TRDN: variants seen among roughly 807,000 people sequenced by gnomAD.
TRDN encodes the protein triadin in skeletal muscle.
TRDN carries 161 observed loss-of-function variants against 149.7 expected under a neutral mutation model. The observed-to-expected ratio is 1.08, with a 90% CI of 0.95 to 1.23. The LOEUF is 1.23. Among genes scored for constraint, TRDN ranks in the 50% most tolerant of loss-of-function variants. The pLI, the probability that TRDN is intolerant of heterozygous loss-of-function variation, is 0.00. For synonymous variants in TRDN, 294 were observed against 250.5 expected (o/e 1.17, Z -1.64); for missense variants, 896 against 823.5 (o/e 1.09, Z -1.08).
intron 12 of TRDN, among the ~76,000 whole-genome samples, chr6:123,423,207 C>T (rs1328877645): frequency 6.6e-6 from 1 of 152,016 alleles, no homozygotes; most frequent in African/African-American, 2.4e-5. Flanking sequence ...TTAAAAGAAG[C>T]ATTTGAATTT....
chr6:123,307,656 T>C (rs907581342), intron 24 of TRDN, among the ~76,000 whole-genome samples: 2 of 151,998 alleles, frequency 1.3e-5, no homozygotes, highest in African/African-American at 4.8e-5. Flanking sequence ...TCACTCATCT[T>C]ACCCCCATGA....
At chr6:123,522,044 A>G (rs1479029729) in intron 5 of TRDN, among the ~76,000 whole-genome samples, 1 of 152,126 alleles carries the variant, frequency 6.6e-6, no homozygotes, top group African/African-American at 2.4e-5. Context: ...CATTTACACT[A>G]TCTGCCTGCC....
intron 23 of TRDN, 41 bp downstream of exon 23, chr6:123,331,838 G>A (rs1562265304): frequency 7.4e-7 from 1 of 1,358,742 alleles, no homozygotes; most frequent in East Asian, 2.6e-5. Context: ...ATATGCAAAA[G>A]GCAGATCAAT....
At chr6:123,594,991 G>A (rs569020097) in intron 1 of TRDN, among the ~76,000 whole-genome samples, 175 of 151,458 alleles carry the variant, frequency 1.2e-3, no homozygotes, top group African/African-American at 3.6e-3. Context: ...TGCAAATAGC[G>A]TTAAGTTGTG....
intron 9 of TRDN, among the ~76,000 whole-genome samples, chr6:123,480,219 G>C (rs1478985879): frequency 7.1e-6 from 1 of 139,866 alleles, no homozygotes; most frequent in African/African-American, 2.6e-5. Context: ...AAAAATGACT[G>C]ACTTTCATAA....
chr6:123,350,516 A>C (rs183083524), intron 21 of TRDN: 1 of 638,744 alleles, frequency 1.6e-6, no homozygotes, highest in East Asian at 1.4e-4. Context: ...ACTAAAAACT[A>C]TGTAAGAAAG....
intron 1 of TRDN, among the ~76,000 whole-genome samples, chr6:123,624,470 C>T (rs1474285044): frequency 1.3e-5 from 2 of 152,094 alleles, no homozygotes; most frequent in African/African-American, 4.8e-5. Flanking sequence ...TGAACAAAGG[C>T]CCTAGAGAAT....
intron 38 of TRDN, among the ~76,000 whole-genome samples, chr6:123,249,288 T>C (rs985538481): frequency 3.9e-5 from 6 of 152,018 alleles, no homozygotes; most frequent in Non-Finnish European, 7.4e-5. Flanking sequence ...AAAAAATATG[T>C]TGACGAGGAT....
At chr6:123,236,753 A>G (rs1443974535) in intron 38 of TRDN, among the ~76,000 whole-genome samples, 1 of 152,126 alleles carries the variant, frequency 6.6e-6, no homozygotes, top group Non-Finnish European at 1.5e-5. Flanking sequence ...TGGTTATGTT[A>G]TGTGGGTCTA....
chr6:123,607,108 G>T (rs186192292), intron 1 of TRDN, among the ~76,000 whole-genome samples: 1 of 152,182 alleles, frequency 6.6e-6, no homozygotes, highest in Non-Finnish European at 1.5e-5. Flanking sequence ...TTCTCAAAAA[G>T]AAACTGAATT....
At chr6:123,531,093 T>C (rs1780231535) in intron 4 of TRDN, among the ~76,000 whole-genome samples, 1 of 152,146 alleles carries the variant, frequency 6.6e-6, no homozygotes, top group East Asian at 1.9e-4. Context: ...TATGACACAT[T>C]TCATAGAATA....
chr6:123,636,287 T>C (rs1786311509), intron 1 of TRDN, among the ~76,000 whole-genome samples: 1 of 151,988 alleles, frequency 6.6e-6, no homozygotes, highest in African/African-American at 2.4e-5. Context: ...ATTTAAGGTC[T>C]CCATTTAAAA....
At chr6:123,310,517 A>G (rs375524483) in intron 24 of TRDN, among the ~76,000 whole-genome samples, 6 of 152,068 alleles carry the variant, frequency 3.9e-5, no homozygotes, top group African/African-American at 9.7e-5. Flanking sequence ...GATTGCTATA[A>G]CAAAGTTGTT....
intron 1 of TRDN, among the ~76,000 whole-genome samples, chr6:123,595,734 G>A (rs9401687): frequency 0.25 from 37,974 of 151,892 alleles, 4,948 homozygotes; most frequent in East Asian, 0.48. Flanking sequence ...GATTTCTGAC[G>A]TTACTGTTGT....
rs185174851 is a variant in TRDN at position 123,557,174 on chromosome 6, C to T, written c.233-8562G>A. 4.3e-3 allele frequency among the ~76,000 whole-genome samples: 660 copies of T among 152,154 alleles called. 4 individuals are homozygous for T. Among genetic ancestry groups the T allele is most frequent in the Non-Finnish European group, 5.4e-3 (367 of 68,006 alleles). On this transcript the variant is annotated intron_variant, in intron 2 of 40. Transcript: ENST00000334268. ...TCACTGACTCTCTTTTCAGACTCAGCCCGCCTGCACCCAGGTGAAATAAAC... is the reference window on the plus strand; with the variant it reads ...TCACTGACTCTCTTTTCAGACTCAGTCCGCCTGCACCCAGGTGAAATAAAC...
At chr6:123,327,407 A>T (rs1031889752) in intron 23 of TRDN, among the ~76,000 whole-genome samples, 2 of 152,104 alleles carry the variant, frequency 1.3e-5, no homozygotes, top group African/African-American at 4.8e-5. Flanking sequence ...AATACCGTTG[A>T]TATTTTTTAT....
chr6:123,499,719 A>AATATATATATAT (rs71272328), intron 8 of TRDN, among the ~76,000 whole-genome samples: 16 of 47,644 alleles, frequency 3.4e-4, no homozygotes, highest in South Asian at 6.4e-4. Flanking sequence ...AAAAAAAAAA[A>AATATATATATAT]ATATATATAT....
intron 38 of TRDN, among the ~76,000 whole-genome samples, chr6:123,235,273 A>G (rs542491055): frequency 6.6e-6 from 1 of 152,214 alleles, no homozygotes; most frequent in Admixed American, 6.5e-5. Flanking sequence ...AGCTAAAGTT[A>G]TGAGGGACTT....
intron 10 of TRDN, among the ~76,000 whole-genome samples, chr6:123,451,864 C>T (rs1040754757): frequency 1.1e-4 from 17 of 152,170 alleles, no homozygotes; most frequent in Admixed American, 3.9e-4. Context: ...TACTAGCTAA[C>T]GGAATCCAAT....
Sources: gnomAD v4.1 joint callset for allele counts (sites outside exome capture counted in the v4.1 genomes callset) on GRCh38, gnomAD v4.1.1 for gene constraint, MANE v1.5 for transcripts, NCBI Gene and HGNC (gene_info 2026-07-23, HGNC 2026-07-21) for gene names.